The following MTUS2 variants were observed in gnomAD, a reference collection of about 807,000 sequenced individuals.
The protein encoded by MTUS2 is microtubule associated scaffold protein 2.
Under a neutral mutation model 114.1 loss-of-function variants are expected in MTUS2, and 40 were observed. That is an observed-to-expected ratio of 0.35 (90% confidence interval 0.27 to 0.46). The LOEUF (loss-of-function observed/expected upper bound fraction) is 0.46, where lower values mean the gene tolerates loss of function less well. Ranked by LOEUF, MTUS2 falls within the 20% of genes least tolerant of loss-of-function variation. MTUS2 has a pLI of 1.00. For missense variants in MTUS2, 1,679 were observed against 1,705.4 expected, an observed-to-expected ratio of 0.98 and a Z score of 0.27; for synonymous variants, 688 against 672.0, an observed-to-expected ratio of 1.02 and a Z score of -0.37.
chr13:28,831,251 C>A (rs184605448), intron 1 of MTUS2, among the ~76,000 whole-genome samples: 10 of 152,030 alleles, frequency 6.6e-5, no homozygotes, highest in African/African-American at 2.4e-4. Flanking sequence ...AGACGTAACA[C>A]AACAAATAGC....
chr13:29,421,512 G>A (rs1348354767), intron 8 of MTUS2, among the ~76,000 whole-genome samples: 2 of 151,996 alleles, frequency 1.3e-5, no homozygotes, highest in African/African-American at 2.4e-5. Context: ...ACACCAAAAT[G>A]CCTCTGCCAC....
intron 4 of MTUS2, among the ~76,000 whole-genome samples, chr13:29,035,785 T>C (rs573471177): frequency 6.6e-5 from 10 of 151,978 alleles, no homozygotes; most frequent in African/African-American, 1.2e-4. Flanking sequence ...ACTTTCAGAC[T>C]GTCCCAGGAA....
intron 5 of MTUS2, among the ~76,000 whole-genome samples, chr13:29,153,111 C>T (rs1892724849): frequency 6.6e-6 from 1 of 152,132 alleles, no homozygotes; most frequent in Admixed American, 6.5e-5. Context: ...TCCATGATGC[C>T]TTCAAGCTAA....
At chr13:29,230,469 A>G (rs1049956172) in intron 5 of MTUS2, among the ~76,000 whole-genome samples, 9 of 152,304 alleles carry the variant, frequency 5.9e-5, no homozygotes, top group Non-Finnish European at 1.3e-4. Context: ...CCTGGCTTAC[A>G]TCTTTATATG....
intron 2 of MTUS2, among the ~76,000 whole-genome samples, chr13:28,939,761 G>GT (rs1329271352): frequency 8.6e-5 from 13 of 152,020 alleles, no homozygotes; most frequent in African/African-American, 1.4e-4. Flanking sequence ...CTAAGAGAAC[G>GT]TAAGTGTCTT....
rs767754970 is a variant in MTUS2 at position 29,034,138 on chromosome 13, A to C, written c.2446+13A>C. On this transcript the variant is annotated intron_variant, in intron 4 of 15. Coordinates refer to ENST00000612955, the MANE Select transcript of MTUS2 (RefSeq NM_001033602.4). ...TCCGATCCTTCAGGTAACCGATCCA[A>C]CAGTTTCTGCCTTTTCCTGCTGTAC... is the stretch of plus-strand genomic sequence containing the variant. 9.9e-6 allele frequency: 16 copies of C among 1,613,374 alleles called. No individual in the cohort carries two copies. The East Asian group carries it at 3.6e-4, about 36-fold the overall frequency.
chr13:29,061,383 G>A (rs2138647536), intron 4 of MTUS2, among the ~76,000 whole-genome samples: 1 of 152,288 alleles, frequency 6.6e-6, no homozygotes. Flanking sequence ...CAGCCTGTGT[G>A]AGTTCTGGGA....
chr13:29,126,739 C>T (rs755779015), intron 5 of MTUS2, among the ~76,000 whole-genome samples: 17 of 152,006 alleles, frequency 1.1e-4, no homozygotes, highest in Non-Finnish European at 2.2e-4. Context: ...ATTGGACACC[C>T]CTGCTCTACT....
In MTUS2 at chr13:29,430,510, T is replaced by C. The variant is rs1876909164; in HGVS notation, c.3118-9473T>C. Among the ~76,000 whole-genome samples the C allele has an allele frequency of 1.3e-5, 2 of 152,216 alleles. 1 individual carries two copies. Among genetic ancestry groups the C allele is most frequent in the Non-Finnish European group, 2.9e-5 (2 of 68,016 alleles). ...CAGTTCTATACAAATTATTTTTTAC[T>C]GATGAAAACTTTAAAACTTACACTG... On this transcript the variant is annotated intron_variant, in intron 8 of 15. Coordinates refer to ENST00000612955, the MANE Select transcript of MTUS2 (RefSeq NM_001033602.4).
intron 4 of MTUS2, among the ~76,000 whole-genome samples, chr13:29,063,641 G>C (rs1888523411): frequency 6.6e-6 from 1 of 152,110 alleles, no homozygotes; most frequent in Non-Finnish European, 1.5e-5. Context: ...GTTATAACAT[G>C]AAGACCGTGA....
intron 5 of MTUS2, among the ~76,000 whole-genome samples, chr13:29,232,174 C>T (rs1896349467): frequency 6.6e-6 from 1 of 151,876 alleles, no homozygotes; most frequent in African/African-American, 2.4e-5. Context: ...TTAATAAAAG[C>T]CAGAAATTCA....
At chr13:29,066,676 G>C (rs1482642958) in intron 4 of MTUS2, among the ~76,000 whole-genome samples, 2 of 152,226 alleles carry the variant, frequency 1.3e-5, no homozygotes, top group Non-Finnish European at 2.9e-5. Flanking sequence ...TATTCATTCA[G>C]TGATTTTCTG....
chr13:29,338,668 G>C (rs1566140067), intron 7 of MTUS2, among the ~76,000 whole-genome samples: 1 of 152,128 alleles, frequency 6.6e-6, no homozygotes, highest in Non-Finnish European at 1.5e-5. Context: ...TGATCCACTT[G>C]AGTTAGTTTT....
intron 5 of MTUS2, among the ~76,000 whole-genome samples, chr13:29,132,281 T>C (rs753155422): frequency 2.0e-5 from 3 of 152,202 alleles, no homozygotes; most frequent in Non-Finnish European, 4.4e-5. Flanking sequence ...CCTGTTCTCT[T>C]CAAATTCTTC....
intron 15 of MTUS2, among the ~76,000 whole-genome samples, chr13:29,502,667 C>T (rs1048111814): frequency 9.2e-5 from 14 of 152,272 alleles, no homozygotes; most frequent in African/African-American, 2.4e-4. Flanking sequence ...TCGGAGCTTC[C>T]GGGCAGCATA....
At chr13:29,008,770 G>C (rs569178372) in intron 2 of MTUS2, among the ~76,000 whole-genome samples, 1 of 151,944 alleles carries the variant, frequency 6.6e-6, no homozygotes, top group African/African-American at 2.4e-5. Context: ...CTTTCCATTT[G>C]TTCCTAGGAC....
chr13:29,141,922 T>A (rs1255637539), intron 5 of MTUS2, among the ~76,000 whole-genome samples: 1 of 150,710 alleles, frequency 6.6e-6, no homozygotes, highest in Non-Finnish European at 1.5e-5. Flanking sequence ...TGCAGTGGTG[T>A]GATCTCGGCT....
intron 9 of MTUS2, among the ~76,000 whole-genome samples, chr13:29,449,639 G>A (rs1878545020): frequency 1.3e-5 from 2 of 151,484 alleles, no homozygotes; most frequent in South Asian, 4.2e-4. Context: ...AGTATCTATA[G>A]CATTCGCACC....
At chr13:29,472,695 T>C (rs547227579) in intron 9 of MTUS2, among the ~76,000 whole-genome samples, 2 of 152,346 alleles carry the variant, frequency 1.3e-5, no homozygotes, top group African/African-American at 2.4e-5. Flanking sequence ...CAAAATGATA[T>C]ATGGGTGAAC....
Sources: allele counts gnomAD v4.1 joint callset (sites outside exome capture counted in the v4.1 genomes callset), GRCh38; gene constraint gnomAD v4.1.1; transcripts MANE v1.5; gene names NCBI Gene and HGNC (gene_info 2026-07-23, HGNC 2026-07-21).